The following MTA3 variants were observed in gnomAD, a reference collection of about 807,000 sequenced individuals.
MTA3 encodes metastasis associated 1 family member 3.
A neutral mutation model predicts 83.5 loss-of-function variants in MTA3; 34 were observed. The observed-to-expected ratio is 0.41, with a 90% confidence interval of 0.31 to 0.54. MTA3 has a LOEUF of 0.54. Ranked by LOEUF, MTA3 falls within the 20% of genes least tolerant of loss-of-function variation. MTA3 has a pLI of 0.33. For synonymous variants in MTA3, 303 were observed against 252.7 expected (o/e 1.20, Z -1.89); for missense variants, 761 against 726.4 (o/e 1.05, Z -0.55).
chr2:42,695,885 C>T, intron 10 of MTA3, 46 bp downstream of exon 10: 3 of 1,236,590 alleles, frequency 2.4e-6, no homozygotes, highest in Non-Finnish European at 3.4e-6. Flanking sequence ...TTTAAGTGAA[C>T]TTTCTGTTTA....
chr2:42,587,085 C>T (rs1178492124), intron 3 of MTA3, among the ~76,000 whole-genome samples: 1 of 151,752 alleles, frequency 6.6e-6, no homozygotes. Context: ...CCTAGCTACT[C>T]AGGAGGCTGA....
At chr2:42,675,775 C>A (rs1691296042) in intron 8 of MTA3, among the ~76,000 whole-genome samples, 1 of 152,180 alleles carries the variant, frequency 6.6e-6, no homozygotes, top group Non-Finnish European at 1.5e-5. Context: ...ATTTACCCTA[C>A]ATTTTCTCTA....
At chr2:42,699,406 C>T (rs191442491) in intron 11 of MTA3, among the ~76,000 whole-genome samples, 1 of 152,194 alleles carries the variant, frequency 6.6e-6, no homozygotes, top group Admixed American at 6.5e-5. Flanking sequence ...CTATGTTACC[C>T]AGGAGTTCTC....
In MTA3 at chr2:42,557,257, C is replaced by T. The variant is rs923455583; in HGVS notation, c.-140-13180C>T. Reference sequence around the variant, plus strand: ...TCGCGCCACTGCACTCCAGCCTGGGCAACAGAGAGAGACTTTGTCTCAATA... The same window carrying T: ...TCGCGCCACTGCACTCCAGCCTGGGTAACAGAGAGAGACTTTGTCTCAATA... On this transcript the variant is annotated intron_variant, in intron 2 of 17. Transcript: ENST00000405592. Among the ~76,000 whole-genome samples, 7 of 148,870 alleles carry T rather than the reference C, an allele frequency of 4.7e-5. No individual in the cohort carries two copies. In the South Asian group the frequency reaches 6.3e-4, roughly 13 times the overall value.
intron 6 of MTA3, among the ~76,000 whole-genome samples, chr2:42,645,559 A>G (rs1688105008): frequency 7.4e-6 from 1 of 135,326 alleles, no homozygotes; most frequent in Admixed American, 7.5e-5. Flanking sequence ...ACAAACAAAC[A>G]AAACAGCCTT....
intron 8 of MTA3, among the ~76,000 whole-genome samples, chr2:42,668,063 C>A (rs1173020787): frequency 2.0e-5 from 3 of 152,276 alleles, no homozygotes. Context: ...AATAATAAAA[C>A]CTACTTGCTC....
At chr2:42,639,379 A>T (rs1156695481) in intron 4 of MTA3, among the ~76,000 whole-genome samples, 2 of 152,200 alleles carry the variant, frequency 1.3e-5, no homozygotes, top group African/African-American at 4.8e-5. Flanking sequence ...TAACTTGAAT[A>T]ATCTTCAAAA....
Position 42,753,562 on chromosome 2 carries a change from T to G in MTA3, c.*163T>G. 1 of 1,447,488 alleles carries G rather than the reference T, an allele frequency of 6.9e-7. No homozygotes were observed. Among genetic ancestry groups the G allele is most frequent in the Non-Finnish European group, 9.1e-7 (1 of 1,099,684 alleles). 89.7% of individuals were successfully genotyped at this position (1,447,488 alleles called of 1,614,324 possible). ...TGGGGCGGGGAAGGAACTGTGGGAG[T>G]GCACGTTCCAAATCCTGTGTCTCCA... On this transcript the variant is annotated 3_prime_UTR_variant, in exon 17 of 17. Transcript: ENST00000405094.
chr2:42,551,947 C>T (rs1395944574), intron 2 of MTA3, among the ~76,000 whole-genome samples: 2 of 151,954 alleles, frequency 1.3e-5, no homozygotes, highest in African/African-American at 2.4e-5. Flanking sequence ...AAGATGGTCT[C>T]GATCTCTTGA....
At chr2:42,562,965 C>T (rs555062999) in intron 2 of MTA3, among the ~76,000 whole-genome samples, 3 of 152,234 alleles carry the variant, frequency 2.0e-5, no homozygotes, top group African/African-American at 7.2e-5. Flanking sequence ...CTTACAGCTC[C>T]CCATAAGCCT....
chr2:42,584,545 A>AT (rs1198657262), intron 3 of MTA3, among the ~76,000 whole-genome samples: 1,617 of 145,130 alleles, frequency 0.011, 21 homozygotes, highest in African/African-American at 0.035. Context: ...ACTTCAGTGT[A>AT]TTTTTTTTTT....
At chr2:42,669,083 AT>A (rs761988223) in intron 8 of MTA3, among the ~76,000 whole-genome samples, 23,764 of 130,668 alleles carry the variant, frequency 0.18, 1,932 homozygotes, top group East Asian at 0.42. Flanking sequence ...GAAAATACAG[AT>A]TTTTTTTTTT....
chr2:42,527,986 G>A (rs1675796311), intron 2 of MTA3, among the ~76,000 whole-genome samples: 1 of 152,126 alleles, frequency 6.6e-6, no homozygotes, highest in South Asian at 2.1e-4. Context: ...GTACAGTGGT[G>A]CAATCTCAGT....
chr2:42,749,407 A>G (rs1669694569), intron 16 of MTA3, among the ~76,000 whole-genome samples: 1 of 151,820 alleles, frequency 6.6e-6, no homozygotes. Flanking sequence ...AACCCCTCCA[A>G]TTTTTACCTG....
intron 4 of MTA3, among the ~76,000 whole-genome samples, chr2:42,614,986 A>AAC (rs1553362692): frequency 2.7e-5 from 4 of 150,718 alleles, no homozygotes; most frequent in African/African-American, 7.3e-5. Context: ...TAAAAAAAAA[A>AAC]AAAACAAAAA....
intron 4 of MTA3, among the ~76,000 whole-genome samples, chr2:42,631,423 C>T (rs1686661918): frequency 6.6e-6 from 1 of 152,150 alleles, no homozygotes; most frequent in Non-Finnish European, 1.5e-5. Flanking sequence ...TTTTCTTCAA[C>T]CAGAATCACA....
intron 8 of MTA3, among the ~76,000 whole-genome samples, chr2:42,672,343 T>TAAAAAAA (rs573876669): frequency 7.1e-6 from 1 of 140,254 alleles, no homozygotes; most frequent in South Asian, 2.3e-4. Context: ...TCCTCTCTAT[T>TAAAAAAA]AAAAAAAAAA....
rs1324924493 is a variant in MTA3, at chr2:42,755,769, C to G, written c.*2370C>G. 2.0e-6 allele frequency: 2 copies of G among 985,458 alleles called. No individual in the cohort carries two copies. Among genetic ancestry groups the G allele is most frequent in the African/African-American group, 1.7e-5 (1 of 57,244 alleles). 61.0% of individuals were successfully genotyped at this position (985,458 alleles called of 1,614,324 possible). A position where few individuals can be genotyped will look rare whatever the true frequency, so the allele number is the denominator to read the frequency against. ...CCTGCTGTGTGTCAGTGGCATGTCACTGTGGTTCAGTGAGCACATGGGTGG... is the reference window on the plus strand; with the variant it reads ...CCTGCTGTGTGTCAGTGGCATGTCAGTGTGGTTCAGTGAGCACATGGGTGG... On this transcript the variant is annotated 3_prime_UTR_variant, in exon 17 of 17. Transcript: ENST00000405094.
At chr2:42,733,214 G>C (rs1312901252) in intron 16 of MTA3, among the ~76,000 whole-genome samples, 1 of 152,216 alleles carries the variant, frequency 6.6e-6, no homozygotes, top group Non-Finnish European at 1.5e-5. Flanking sequence ...TGGACTTACA[G>C]TTCCATATGG....
Sources: allele counts gnomAD v4.1 joint callset (sites outside exome capture counted in the v4.1 genomes callset), GRCh38; gene constraint gnomAD v4.1.1; transcripts MANE v1.5; gene names NCBI Gene and HGNC (gene_info 2026-07-23, HGNC 2026-07-21).